The following SI variants were observed in gnomAD, a reference collection of about 807,000 sequenced individuals.
The protein encoded by SI is sucrase-isomaltase, intestinal.
In SI, 235 loss-of-function variants were observed where a neutral mutation model predicts 253.3. The observed-to-expected ratio is 0.93, with a 90% CI of 0.83 to 1.03. The LOEUF is 1.03. Among genes scored for constraint, SI ranks in the 50% least tolerant of loss-of-function variants. The pLI, the probability that SI is intolerant of heterozygous loss-of-function variation, is 0.00. For synonymous variants in SI, 819 were observed against 712.0 expected, an observed-to-expected ratio of 1.15 and a Z score of -2.39; for missense variants, 2,442 against 2,211.1, an observed-to-expected ratio of 1.10 and a Z score of -2.09.
At chr3:165,086,280 A>G in the SI span, among the ~76,000 whole-genome samples, 1 of 152,248 alleles carries the variant, frequency 6.6e-6, no homozygotes, top group Non-Finnish European at 1.5e-5. Context: ...CTAATTGAGA[A>G]AAAAATCCAT....
At position 165,029,186 on chromosome 3, in the gene SI, G is replaced by A. The variant is rs535772368; in HGVS notation, c.2892+1526C>T. ...CAACAAACATATGAAAAAATGATCA[G>A]CATCACTAATGATCAGGTAAATGCA... On this transcript the variant is annotated intron_variant, in intron 25 of 47. Transcript: ENST00000264382. 3.3e-5 allele frequency among the ~76,000 whole-genome samples: 5 copies of A among 150,646 alleles called. No homozygotes were observed. In the East Asian group the frequency reaches 7.8e-4, roughly 23 times the overall value.
intron 22 of SI, 125 bp downstream of exon 22, chr3:165,036,264 T>TA (rs1712523278): frequency 2.2e-5 from 15 of 691,908 alleles, no homozygotes; most frequent in East Asian, 8.4e-5. Flanking sequence ...CTGAAACAGA[T>TA]AAAAAACATT....
At chr3:165,022,571 A>ACACAC (rs1553772740) in intron 26 of SI, among the ~76,000 whole-genome samples, 2 of 140,414 alleles carry the variant, frequency 1.4e-5, no homozygotes, top group East Asian at 2.1e-4. Flanking sequence ...ACACACACAC[A>ACACAC]ATCTTCTATG....
chr3:165,075,745 G>T (rs1453793330), intron 2 of SI, 150 bp downstream of exon 2: 1 of 550,700 alleles, frequency 1.8e-6, no homozygotes, highest in Non-Finnish European at 3.4e-6. Context: ...ATAATGAATA[G>T]AAAAAGTGGA....
intron 47 of SI, among the ~76,000 whole-genome samples, chr3:164,980,035 CTT>C (rs1213713997): frequency 6.6e-5 from 10 of 151,722 alleles, no homozygotes; most frequent in Non-Finnish European, 1.2e-4. Context: ...TTTCAGGAGA[CTT>C]TACCATTGCT....
rs756113483 is a variant in SI at position 164,998,548 on chromosome 3, G to A, written c.4532C>T (p.Ser1511Leu). The change falls in exon 38 of 48, where the codon TCA becomes TTA. Residue 1511 changes from serine (S) to leucine (L), a missense_variant. Coordinates refer to ENST00000264382, the MANE Select transcript of SI (RefSeq NM_001041.4). ...TGGTGACTTTCACTTACCAATGATT[G>A]ATTTGTCCATGTTGTCCCATCGTGC... ...NYARWDNMDKSIIGMMEFSLF... is the reference protein window; with the variant it reads ...NYARWDNMDKLIIGMMEFSLF... 6.2e-7 allele frequency: 1 copy of A among 1,611,852 alleles called. No individual in the cohort carries two copies. Among genetic ancestry groups the A allele is most frequent in the South Asian group, 1.1e-5 (1 of 91,046 alleles).
intron 2 of SI, among the ~76,000 whole-genome samples, chr3:165,075,193 C>A (rs886931670): frequency 6.6e-5 from 10 of 151,910 alleles, no homozygotes; most frequent in African/African-American, 2.4e-4. Flanking sequence ...AATGAGATAT[C>A]ATTAAAATAT....
chr3:165,020,114 T>C (rs1387853221), intron 27 of SI, among the ~76,000 whole-genome samples: 1 of 151,702 alleles, frequency 6.6e-6, no homozygotes, highest in Admixed American at 6.6e-5. Flanking sequence ...TTAAAAGGCC[T>C]CAATTTTCCT....
At chr3:165,051,132 G>A (rs1278406974) in intron 13 of SI, among the ~76,000 whole-genome samples, 2 of 151,902 alleles carry the variant, frequency 1.3e-5, no homozygotes, top group Non-Finnish European at 2.9e-5. Context: ...GTTTGCAAAA[G>A]CTTCCATAAA....
chr3:165,002,453 G>C (rs900460597), intron 37 of SI, among the ~76,000 whole-genome samples: 1 of 151,570 alleles, frequency 6.6e-6, no homozygotes, highest in African/African-American at 2.4e-5. Context: ...GTTGCTTCTT[G>C]TTTGTTTCAT....
rs892937590 is a variant in SI, at chr3:165,063,798, C to T, written c.808-257G>A. ...ACTATTAATATATTACTTAACTGTC[C>T]TATTTCATTTTAATTACATTAATTT... On this transcript the variant is annotated intron_variant, in intron 7 of 47. Coordinates refer to ENST00000264382, the MANE Select transcript of SI (RefSeq NM_001041.4). Among the ~76,000 whole-genome samples the T allele has an allele frequency of 3.3e-5, 5 of 150,154 alleles. No homozygotes were observed. The Admixed American group carries it at 3.3e-4, about 10-fold the overall frequency.
chr3:165,021,262 A>T lies in SI; in HGVS notation c.3221T>A (p.Ile1074Asn). 2 of 1,611,264 alleles carry T rather than the reference A, an allele frequency of 1.2e-6. No individual in the cohort carries two copies. The highest frequency in any genetic ancestry group is 1.7e-6 in the Non-Finnish European group (2 of 1,178,038). ...DVEIKENPFG[I>N]QIRRRSSGRV... ...TCCACTGCTTCTCCGTCGAATCTGG[A>T]TGCCAAAAGGATTTTCCTTGATTTC... is the stretch of plus-strand genomic sequence containing the variant. Residue 1074 changes from isoleucine (I) to asparagine (N), a missense_variant, in exon 27 of 48, where the codon ATC becomes AAC. By Grantham distance (149) the Ile-to-Asn change is moderately radical. Transcript: ENST00000264382.
chr3:165,064,481 T>C (rs997277427), intron 7 of SI, among the ~76,000 whole-genome samples: 29 of 152,124 alleles, frequency 1.9e-4, no homozygotes, highest in African/African-American at 6.8e-4. Context: ...ATCTTTGATA[T>C]AGAAATAGTT....
chr3:165,040,894 A>G, intron 18 of SI, 46 bp downstream of exon 18: 1 of 1,476,058 alleles, frequency 6.8e-7, no homozygotes, highest in Non-Finnish European at 9.5e-7. Context: ...GTATGTTTGA[A>G]CATACTTTAA....
upstream of SI, among the ~76,000 whole-genome samples, chr3:165,078,851 T>C (rs1237855759): frequency 6.6e-6 from 1 of 151,536 alleles, no homozygotes; most frequent in Non-Finnish European, 1.5e-5. Context: ...AGTAGAAACA[T>C]ATTTGAAAGA....
At chr3:164,982,857 C>T in intron 46 of SI, 145 bp downstream of exon 46, 2 of 672,290 alleles carry the variant, frequency 3.0e-6, no homozygotes, top group Non-Finnish European at 5.0e-6. Context: ...CATTATGTTG[C>T]CCAGACAGGT....
chr3:165,000,873 A>G (rs2108143515), intron 37 of SI, among the ~76,000 whole-genome samples: 1 of 151,508 alleles, frequency 6.6e-6, no homozygotes, highest in Non-Finnish European at 1.5e-5. Context: ...AGCTTATAAG[A>G]AAGAGATATT....
rs527826685 is a variant in SI, at chr3:165,057,902, A to G, written c.1398+1061T>C. ...AGACAGACAGAAAACCAACAAAGAA[A>G]CATTGTCTTTAATCTTTATTATAAA... On this transcript the variant is annotated intron_variant, in intron 12 of 47. Transcript: ENST00000264382. 5.3e-5 allele frequency among the ~76,000 whole-genome samples: 8 copies of G among 152,142 alleles called. No homozygotes were observed. In the South Asian group the frequency reaches 1.5e-3, roughly 28 times the overall value.
At chr3:165,004,341 G>A (rs1222158381) in intron 37 of SI, among the ~76,000 whole-genome samples, 2 of 152,074 alleles carry the variant, frequency 1.3e-5, no homozygotes, top group South Asian at 2.1e-4. Flanking sequence ...ATGCTCTTTC[G>A]CTGTTGGTAA....
Sources: gnomAD v4.1 joint callset for allele counts (sites outside exome capture counted in the v4.1 genomes callset) on GRCh38, gnomAD v4.1.1 for gene constraint, MANE v1.5 for transcripts, NCBI Gene and HGNC (gene_info 2026-07-23, HGNC 2026-07-21) for gene names.